DCLK1: variants seen among roughly 807,000 people sequenced by gnomAD.
The protein encoded by DCLK1 is doublecortin like kinase 1.
In DCLK1, 16 loss-of-function variants were observed where a neutral mutation model predicts 86.2. That is an observed-to-expected ratio of 0.19 (90% CI 0.13 to 0.28). The LOEUF (loss-of-function observed/expected upper bound fraction) is 0.28. Ranked by LOEUF, DCLK1 falls within the 10% of genes least tolerant of loss-of-function variation. The pLI, the probability that DCLK1 is intolerant of heterozygous loss-of-function variation, is 1.00. For missense variants in DCLK1, 590 were observed against 940.2 expected (o/e 0.63, Z 4.87); for synonymous variants, 369 against 370.5 (o/e 1.00, Z 0.05).
intron 16 of DCLK1, 121 bp downstream of exon 16, chr13:35,793,245 C>T (rs1010017950): frequency 4.8e-6 from 3 of 627,164 alleles, no homozygotes; most frequent in Admixed American, 3.1e-5. Flanking sequence ...CATTAAGTGG[C>T]TGAGCTGTCT....
intron 4 of DCLK1, among the ~76,000 whole-genome samples, chr13:35,920,463 G>C (rs1440506109): frequency 2.0e-5 from 3 of 152,212 alleles, no homozygotes; most frequent in Non-Finnish European, 4.4e-5. Context: ...CCAAAAGCTT[G>C]AACAGGCTAG....
chr13:35,821,336 C>G (rs1219501751), intron 11 of DCLK1, among the ~76,000 whole-genome samples: 4 of 152,152 alleles, frequency 2.6e-5, no homozygotes, highest in African/African-American at 7.2e-5. Context: ...GGTGGCTCAT[C>G]TGCTTTTAGA....
chr13:35,936,968 T>TTTTTTTTTTTTTTTTTTTTG (rs1876793539), intron 4 of DCLK1, among the ~76,000 whole-genome samples: 2 of 8,718 alleles, frequency 2.3e-4, no homozygotes, highest in Non-Finnish European at 4.8e-4. Context: ...TTAGCTTTTT[T>TTTTTTTTTTTTTTTTTTTTG]TTTTTTTTTT....
intron 3 of DCLK1, among the ~76,000 whole-genome samples, chr13:36,007,070 C>G (rs1170995): frequency 1 from 152,317 of 152,334 alleles, 76,150 homozygotes; most frequent in Middle Eastern, 1. Flanking sequence ...AATGTGCATG[C>G]GAGGAGAGTG....
At chr13:35,973,618 C>G (rs1302083884) in intron 3 of DCLK1, among the ~76,000 whole-genome samples, 3 of 152,114 alleles carry the variant, frequency 2.0e-5, no homozygotes, top group East Asian at 1.9e-4. Flanking sequence ...AGGTGCTCAA[C>G]AAATGAATGA....
intron 16 of DCLK1, among the ~76,000 whole-genome samples, chr13:35,787,084 A>ATT (rs909614171): frequency 6.7e-6 from 1 of 150,350 alleles, no homozygotes; most frequent in African/African-American, 2.4e-5. Context: ...ATATATATAT[A>ATT]TTATATATAT....
At chr13:35,817,124 C>G (rs2087286397) in intron 11 of DCLK1, among the ~76,000 whole-genome samples, 1 of 152,166 alleles carries the variant, frequency 6.6e-6, no homozygotes, top group Non-Finnish European at 1.5e-5. Context: ...CTCTTAATGA[C>G]AGCAGAAAGG....
At chr13:35,922,115 A>G (rs1013229840) in intron 4 of DCLK1, among the ~76,000 whole-genome samples, 23 of 152,342 alleles carry the variant, frequency 1.5e-4, no homozygotes, top group Admixed American at 4.6e-4. Flanking sequence ...TACTTTTTAA[A>G]ATCATCACTT....
At chr13:35,799,701 T>C (rs2086881657) in intron 15 of DCLK1, among the ~76,000 whole-genome samples, 2 of 152,140 alleles carry the variant, frequency 1.3e-5, no homozygotes, top group African/African-American at 4.8e-5. Context: ...AGCAATATAT[T>C]TAAAATATCA....
chr13:35,822,943 A>G (rs2087431559), intron 10 of DCLK1, 68 bp from the exon 11 acceptor site: 7 of 1,562,314 alleles, frequency 4.5e-6, no homozygotes, highest in Non-Finnish European at 6.1e-6. Context: ...TGCAGAGGCC[A>G]TTGACAAACC....
intron 12 of DCLK1, 114 bp downstream of exon 12, chr13:35,810,721 G>A: frequency 7.7e-7 from 1 of 1,304,786 alleles, no homozygotes; most frequent in Non-Finnish European, 1.0e-6. Flanking sequence ...AAGAGTGGAA[G>A]AAACCTGATA....
intron 3 of DCLK1, among the ~76,000 whole-genome samples, chr13:35,971,652 A>G (rs1243844976): frequency 1.3e-5 from 2 of 151,916 alleles, no homozygotes; most frequent in Non-Finnish European, 2.9e-5. Flanking sequence ...AATCTCAGCA[A>G]TGTGGGAGAC....
intron 4 of DCLK1, among the ~76,000 whole-genome samples, chr13:35,888,488 G>C (rs1011003661): frequency 6.6e-6 from 1 of 152,046 alleles, no homozygotes; most frequent in African/African-American, 2.4e-5. Context: ...TTACAACAAG[G>C]GGTCAAATGT....
chr13:36,063,072 A>G lies in DCLK1; in HGVS notation c.723+48797T>C, dbSNP rs1275048411. On this transcript the variant is annotated intron_variant, in intron 3 of 16. Coordinates refer to ENST00000360631, the MANE Select transcript of DCLK1 (RefSeq NM_001330071.2). Reference sequence around the variant, plus strand: ...ACAGGACTTGTGTCTGTTTAATTCAACTTGCCTGGAGCCAATACAGCATCA... The same window carrying G: ...ACAGGACTTGTGTCTGTTTAATTCAGCTTGCCTGGAGCCAATACAGCATCA... Among the ~76,000 whole-genome samples, 3 of 152,272 alleles carry G rather than the reference A, an allele frequency of 2.0e-5. No homozygotes were observed. In the East Asian group the frequency reaches 5.8e-4, roughly 29 times the overall value.
At chr13:36,070,147 T>C (rs1322594678) in intron 3 of DCLK1, among the ~76,000 whole-genome samples, 2 of 152,170 alleles carry the variant, frequency 1.3e-5, no homozygotes, top group African/African-American at 4.8e-5. Flanking sequence ...TGAAAAAAAA[T>C]ATGGTTTTTT....
At chr13:36,035,617 C>G (rs1345618787) in intron 3 of DCLK1, among the ~76,000 whole-genome samples, 2 of 152,304 alleles carry the variant, frequency 1.3e-5, no homozygotes, top group Admixed American at 1.3e-4. Context: ...TAGCTCACTG[C>G]AGCGTCGAAC....
At chr13:35,800,498 C>G (rs1351111657) in intron 15 of DCLK1, among the ~76,000 whole-genome samples, 1 of 152,150 alleles carries the variant, frequency 6.6e-6, no homozygotes, top group Non-Finnish European at 1.5e-5. Context: ...CATAGAGAGG[C>G]CTCGCTCATG....
chr13:35,775,854 G>T (rs942596639), intron 16 of DCLK1, among the ~76,000 whole-genome samples: 1 of 152,152 alleles, frequency 6.6e-6, no homozygotes, highest in Admixed American at 6.5e-5. Context: ...TCATACAATT[G>T]CAGTATAGCA....
chr13:35,867,498 G>T (rs1269666360), intron 5 of DCLK1, among the ~76,000 whole-genome samples: 1 of 152,208 alleles, frequency 6.6e-6, no homozygotes, highest in East Asian at 1.9e-4. Context: ...AGTTGAAAAG[G>T]ACTTCAAGGA....
Sources: gnomAD v4.1 joint callset for allele counts (sites outside exome capture counted in the v4.1 genomes callset) on GRCh38, gnomAD v4.1.1 for gene constraint, MANE v1.5 for transcripts, NCBI Gene and HGNC (gene_info 2026-07-23, HGNC 2026-07-21) for gene names.